PKD1L3: variants seen among roughly 807,000 people sequenced by gnomAD.
PKD1L3 encodes polycystin 1 like 3, transient receptor potential channel interacting, also known as polycystin-1-like protein 3.
A neutral mutation model predicts 184.1 loss-of-function variants in PKD1L3; 239 were observed. The observed-to-expected ratio is 1.30, with a 90% CI of 1.17 to 1.45. PKD1L3 has a LOEUF of 1.45. Ranked by LOEUF, PKD1L3 falls within the 40% of genes most tolerant of loss-of-function variation. The pLI is 0.00. For missense variants in PKD1L3, 2,660 were observed against 2,067.2 expected (o/e 1.29, Z -5.56); for synonymous variants, 996 against 778.8 (o/e 1.28, Z -4.64).
At chr16:71,993,355 G>A (rs1193529083) in intron 2 of PKD1L3, 23 bp from the exon 3 acceptor site, 7 of 1,435,336 alleles carry the variant, frequency 4.9e-6, no homozygotes, top group South Asian at 1.2e-5. Context: ...CAACACACAA[G>A]TTAATTTATA....
chr16:71,951,464 G>C (rs532268452), intron 19 of PKD1L3, 100 bp downstream of exon 19: 294 of 1,213,294 alleles, frequency 2.4e-4, no homozygotes, highest in Non-Finnish European at 3.1e-4. Context: ...CCAGAAGGTT[G>C]TATCAGGCCT....
intron 4 of PKD1L3, 37 bp from the exon 5 acceptor site, chr16:71,986,506 C>A (rs981767312): frequency 6.6e-7 from 1 of 1,523,166 alleles, no homozygotes; most frequent in East Asian, 2.5e-5. Context: ...AAGACTGAAT[C>A]TGATTTTACC....
At chr16:71,941,251 A>G (rs1025764183) in intron 24 of PKD1L3, among the ~76,000 whole-genome samples, 1 of 152,110 alleles carries the variant, frequency 6.6e-6, no homozygotes, top group Non-Finnish European at 1.5e-5. Context: ...AAGGAAAAAA[A>G]CCACCATAAT....
chr16:71,989,934 G>C (rs962336305), intron 4 of PKD1L3, among the ~76,000 whole-genome samples: 1 of 151,928 alleles, frequency 6.6e-6, no homozygotes, highest in Admixed American at 6.6e-5. Flanking sequence ...AATTAGCTGG[G>C]TGTGGTGGCG....
At position 71,983,659 on chromosome 16, in the gene PKD1L3, C is replaced by CTTTTTTTTTTTTTT. The variant is rs66523761; in HGVS notation, c.966+376_966+377insAAAAAAAAAAAAAA. Reference sequence around the variant, plus strand: ...GCATAAGGCACAATCTCCAGATTCTCTTTCTTTTTTTTTTTTTTTTTTTTT... The same window carrying CTTTTTTTTTTTTTT: ...GCATAAGGCACAATCTCCAGATTCTCTTTTTTTTTTTTTTTTTCTTTTTTTTTTTTTTTTTTTTT... On this transcript the variant is annotated intron_variant, in intron 6 of 29. Transcript: ENST00000620267. Among the ~76,000 whole-genome samples the CTTTTTTTTTTTTTT allele has an allele frequency of 6.5e-5, 6 of 92,398 alleles. 2 individuals are homozygous for CTTTTTTTTTTTTTT. The highest frequency in any genetic ancestry group is 1.3e-4 in the Non-Finnish European group (6 of 47,576). The allele number at this position is 92,398 out of a possible 152,430, so 60.6% of individuals were successfully genotyped here. A position where few individuals can be genotyped will look rare whatever the true frequency, so the allele number is the denominator to read the frequency against.
chr16:71,977,532 A>G (rs2039976658), intron 10 of PKD1L3, 65 bp from the exon 11 acceptor site: 1 of 1,120,832 alleles, frequency 8.9e-7, no homozygotes, highest in Non-Finnish European at 1.3e-6. Flanking sequence ...AATCCTTTAT[A>G]TTGATAAGGT....
At chr16:71,948,372 C>A (rs2038700362) in intron 21 of PKD1L3, among the ~76,000 whole-genome samples, 1 of 152,136 alleles carries the variant, frequency 6.6e-6, no homozygotes, top group African/African-American at 2.4e-5. Flanking sequence ...CGTGAGCCCC[C>A]ACAGCTGGCC....
chr16:71,944,080 T>G lies in PKD1L3; in HGVS notation c.3809A>C (p.Glu1270Ala), dbSNP rs1176474190. 1 of 1,552,236 alleles carries G rather than the reference T, an allele frequency of 6.4e-7. No homozygotes were observed. Among genetic ancestry groups the G allele is most frequent in the Middle Eastern group, 1.7e-4 (1 of 5,998 alleles). Residue 1270 changes from glutamate (E) to alanine (A), a missense_variant, in exon 23 of 30, where the codon GAA becomes GCA. Coordinates refer to ENST00000620267, the MANE Select transcript of PKD1L3 (RefSeq NM_181536.2). ...PAINSPTKHP[E>A]RTLKKKKLFK... ...GAGTTTCTTCTTTTTCAAGGTTCTT[T>G]CTGGGTGCTTAGTTGGACTATTTAT... is the stretch of plus-strand genomic sequence containing the variant.
At chr16:71,951,231 G>A (rs1185029829) in intron 19 of PKD1L3, among the ~76,000 whole-genome samples, 1 of 151,972 alleles carries the variant, frequency 6.6e-6, no homozygotes, top group African/African-American at 2.4e-5. Flanking sequence ...GTAGAGACAG[G>A]GTTTCGCCAT....
chr16:71,961,749 AC>A (rs992407904), intron 16 of PKD1L3, among the ~76,000 whole-genome samples: 2 of 152,156 alleles, frequency 1.3e-5, no homozygotes, highest in Non-Finnish European at 2.9e-5. Context: ...TGAATTTCTG[AC>A]CCACAAAACC....
In PKD1L3 at chr16:71,952,360, A is replaced by C. The variant is rs1394990107; in HGVS notation, c.3009+534T>G. Among the ~76,000 whole-genome samples the C allele has an allele frequency of 1.3e-5, 2 of 151,408 alleles. 1 individual carries two copies. The highest frequency in any genetic ancestry group is 3.9e-4 in the East Asian group (2 of 5,128). On this transcript the variant is annotated intron_variant, in intron 18 of 29. Coordinates refer to ENST00000620267, the MANE Select transcript of PKD1L3 (RefSeq NM_181536.2). ...CCTGAGTAGCTGGGACTACAGATGC[A>C]TGCCATCACGCCTGGCTAATTATTA...
intron 15 of PKD1L3, among the ~76,000 whole-genome samples, chr16:71,965,801 A>T (rs1484676269): frequency 6.6e-6 from 1 of 151,702 alleles, no homozygotes; most frequent in East Asian, 1.9e-4. Flanking sequence ...TGATCTGCCA[A>T]CCTCGGCCTC....
At chr16:71,992,992 C>A (rs905739759) in intron 3 of PKD1L3, among the ~76,000 whole-genome samples, 1 of 152,146 alleles carries the variant, frequency 6.6e-6, no homozygotes, top group African/African-American at 2.4e-5. Flanking sequence ...AAAACCTTGT[C>A]TTTTATTTGG....
rs867397433 is a variant in PKD1L3 at position 71,976,041 on chromosome 16, G to T, written c.1759+1195C>A. Among the ~76,000 whole-genome samples the T allele has an allele frequency of 5.3e-5, 8 of 151,310 alleles. No individual in the cohort carries two copies. The South Asian group carries it at 1.5e-3, about 28-fold the overall frequency. ...CAGCTCACTGCAACCTCTGCCTCCT[G>T]GGTTCAAGTGATTCTCATGCCTCAG... On this transcript the variant is annotated intron_variant, in intron 11 of 29. Coordinates refer to ENST00000620267, the MANE Select transcript of PKD1L3 (RefSeq NM_181536.2).
intron 14 of PKD1L3, among the ~76,000 whole-genome samples, chr16:71,967,629 T>G (rs1597336238): frequency 6.6e-6 from 1 of 152,134 alleles, no homozygotes; most frequent in Non-Finnish European, 1.5e-5. Flanking sequence ...CACGCTCAGC[T>G]AATTTCTGCA....
chr16:71,961,248 C>T (rs1597325358), intron 16 of PKD1L3, among the ~76,000 whole-genome samples: 1 of 152,070 alleles, frequency 6.6e-6, no homozygotes, highest in African/African-American at 2.4e-5. Flanking sequence ...TCAGCCTCCC[C>T]AGTAGCTGGG....
At chr16:71,965,844 G>T (rs974410873) in intron 15 of PKD1L3, among the ~76,000 whole-genome samples, 1 of 152,148 alleles carries the variant, frequency 6.6e-6, no homozygotes, top group African/African-American at 2.4e-5. Flanking sequence ...GTGAGCCACT[G>T]TGCCTGGCCT....
intron 24 of PKD1L3, among the ~76,000 whole-genome samples, chr16:71,937,886 T>G (rs948684570): frequency 1.3e-5 from 2 of 152,222 alleles, no homozygotes; most frequent in Non-Finnish European, 2.9e-5. Flanking sequence ...GTCTTGTGAA[T>G]ACAAACCTTT....
chr16:71,941,680 G>T (rs1455907614), intron 24 of PKD1L3, among the ~76,000 whole-genome samples: 1 of 148,784 alleles, frequency 6.7e-6, no homozygotes, highest in East Asian at 2.0e-4. Context: ...CACCTCCTGG[G>T]TTCAAGCGAT....
Sources: gnomAD v4.1 joint callset for allele counts (sites outside exome capture counted in the v4.1 genomes callset) on GRCh38, gnomAD v4.1.1 for gene constraint, MANE v1.5 for transcripts, NCBI Gene and HGNC (gene_info 2026-07-23, HGNC 2026-07-21) for gene names.